The following P2RY14 variants were observed in gnomAD, a reference collection of about 807,000 sequenced individuals.
The protein encoded by P2RY14 is purinergic receptor P2Y14, also known as P2Y purinoceptor 14.
Under a neutral mutation model 0.9 loss-of-function variants are expected in P2RY14, and 2 were observed. The ratio of observed to expected loss-of-function variants is 2.16; its 90% confidence interval spans 0.88 to 6.79. The LOEUF (loss-of-function observed/expected upper bound fraction) is 6.79. P2RY14 is among the 30% of genes most tolerant of loss of function. The probability of loss-of-function intolerance (pLI) is 0.05; values close to 1 mark genes in which losing one functional copy is unlikely to be tolerated. For synonymous variants in P2RY14, 158 were observed against 147.2 expected (o/e 1.07, Z -0.53); for missense variants, 378 against 400.1 (o/e 0.94, Z 0.47).
chr3:151,241,329 A>G (rs942061329), intron 1 of P2RY14, among the ~76,000 whole-genome samples: 2 of 152,220 alleles, frequency 1.3e-5, no homozygotes, highest in African/African-American at 4.8e-5. Context: ...ATCAATATCA[A>G]AGAGTATGGC....
chr3:151,248,142 A>G (rs1046932917), intron 1 of P2RY14, among the ~76,000 whole-genome samples: 1 of 152,002 alleles, frequency 6.6e-6, no homozygotes, highest in Non-Finnish European at 1.5e-5. Flanking sequence ...AAAAAATGCT[A>G]TGAATGTTTG....
At chr3:151,225,446 G>A (rs1193993913) in intron 1 of P2RY14, among the ~76,000 whole-genome samples, 1 of 152,188 alleles carries the variant, frequency 6.6e-6, no homozygotes, top group Non-Finnish European at 1.5e-5. Context: ...GTGAGCATGT[G>A]AGACCAAGAG....
chr3:151,236,066 C>G (rs1732714496), intron 1 of P2RY14, among the ~76,000 whole-genome samples: 1 of 152,298 alleles, frequency 6.6e-6, no homozygotes, highest in Middle Eastern at 3.4e-3. Flanking sequence ...CCTATTCTTA[C>G]ATACAGCCCT....
intron 1 of P2RY14, among the ~76,000 whole-genome samples, chr3:151,246,502 G>C (rs887367916): frequency 8.6e-5 from 13 of 151,962 alleles, no homozygotes; most frequent in African/African-American, 1.9e-4. Flanking sequence ...ACAAACCTGA[G>C]AAAAACAAGC....
intron 1 of P2RY14, among the ~76,000 whole-genome samples, chr3:151,224,267 G>C (rs1039597644): frequency 1.3e-5 from 2 of 151,766 alleles, no homozygotes; most frequent in African/African-American, 4.8e-5. Context: ...TTTCAGTCCA[G>C]ACATCAAAAG....
chr3:151,257,803 G>T (rs1738105994), intron 1 of P2RY14, among the ~76,000 whole-genome samples: 1 of 152,092 alleles, frequency 6.6e-6, no homozygotes, highest in African/African-American at 2.4e-5. Flanking sequence ...ACCACCTTTT[G>T]TTCAAGTGTC....
chr3:151,253,922 C>T (rs1313037004), intron 1 of P2RY14, among the ~76,000 whole-genome samples: 11 of 151,890 alleles, frequency 7.2e-5, no homozygotes, highest in Admixed American at 6.6e-4. Flanking sequence ...TGAGGACCTC[C>T]ACTACTTTTT....
intron 1 of P2RY14, among the ~76,000 whole-genome samples, chr3:151,241,215 G>T (rs1177127732): frequency 1.3e-5 from 2 of 152,026 alleles, no homozygotes; most frequent in East Asian, 3.9e-4. Context: ...CTCTTTAGTT[G>T]GTTGAGTGAT....
At chr3:151,217,481 A>T (rs1325408621) in intron 2 of P2RY14, among the ~76,000 whole-genome samples, 1 of 152,214 alleles carries the variant, frequency 6.6e-6, no homozygotes, top group Non-Finnish European at 1.5e-5. Context: ...GACCAAGGTA[A>T]ACTTCTAGAG....
intron 1 of P2RY14, among the ~76,000 whole-genome samples, chr3:151,224,282 A>G (rs1300172455): frequency 1.3e-5 from 2 of 152,172 alleles, no homozygotes; most frequent in African/African-American, 4.8e-5. Flanking sequence ...CAAAAGCTTT[A>G]ATACACAGTG....
At chr3:151,256,042 C>CA (rs1737753135) in intron 1 of P2RY14, among the ~76,000 whole-genome samples, 1 of 152,138 alleles carries the variant, frequency 6.6e-6, no homozygotes, top group Non-Finnish European at 1.5e-5. Flanking sequence ...ACAATGCTTT[C>CA]AAAACTGCAT....
rs767260949 is a variant in P2RY14, at chr3:151,213,309, A to G, written c.1008T>C (p.Asp336=). 5.5e-5 allele frequency: 88 copies of G among 1,605,478 alleles called. No individual in the cohort carries two copies. Among genetic ancestry groups the G allele is most frequent in the Non-Finnish European group, 7.0e-5 (82 of 1,176,646 alleles). The change falls in exon 3 of 3, where the codon GAT becomes GAC. Residue 336 remains aspartate, a synonymous_variant. Transcript: ENST00000309170. ...GGAAGAGGGTAGGAACTCACAAAGT[A>G]TCTGTGCTTTCAAGTGTTGTATTTC... The part of the protein sequence containing the change: ...KRGNTTLEST[D]TL
intron 1 of P2RY14, among the ~76,000 whole-genome samples, chr3:151,273,215 C>T (rs1741273810): frequency 6.8e-6 from 1 of 148,050 alleles, no homozygotes; most frequent in African/African-American, 2.5e-5. Flanking sequence ...CAGCAATAAA[C>T]ATTGTTGTGT....
chr3:151,232,455 G>C (rs898385181), intron 1 of P2RY14, among the ~76,000 whole-genome samples: 10 of 152,328 alleles, frequency 6.6e-5, no homozygotes, highest in African/African-American at 2.2e-4. Flanking sequence ...CAGAGGAATA[G>C]AAATCATCCT....
At chr3:151,225,596 A>T (rs958694404) in intron 1 of P2RY14, among the ~76,000 whole-genome samples, 2 of 152,158 alleles carry the variant, frequency 1.3e-5, no homozygotes, top group African/African-American at 4.8e-5. Flanking sequence ...TTTGAAACGG[A>T]CACTCAAACC....
At chr3:151,228,089 G>A (rs1422579311) in intron 1 of P2RY14, among the ~76,000 whole-genome samples, 1 of 152,186 alleles carries the variant, frequency 6.6e-6, no homozygotes, top group Non-Finnish European at 1.5e-5. Flanking sequence ...TAACTCATCA[G>A]CAGTAAGTAA....
intron 1 of P2RY14, among the ~76,000 whole-genome samples, chr3:151,229,813 A>T (rs1212410338): frequency 6.6e-6 from 1 of 152,102 alleles, no homozygotes; most frequent in African/African-American, 2.4e-5. Flanking sequence ...TAGAGCATGC[A>T]ACAATGGAGC....
intron 1 of P2RY14, among the ~76,000 whole-genome samples, chr3:151,242,062 C>A (rs538090184): frequency 1.3e-5 from 2 of 152,190 alleles, no homozygotes; most frequent in Non-Finnish European, 2.9e-5. Flanking sequence ...TGCGCTTTTC[C>A]GACGGGCTTA....
At chr3:151,241,918 T>TGG in intron 1 of P2RY14, 1 of 152,468 alleles carries the variant, frequency 6.6e-6, no homozygotes, top group East Asian at 1.9e-4. Context: ...CGCAGGTCAG[T>TGG]GGGTGCGCGA....
Sources: gnomAD v4.1 joint callset for allele counts (sites outside exome capture counted in the v4.1 genomes callset) on GRCh38, gnomAD v4.1.1 for gene constraint, MANE v1.5 for transcripts, NCBI Gene and HGNC (gene_info 2026-07-23, HGNC 2026-07-21) for gene names.